The following KDM4C variants were observed in gnomAD, a reference collection of about 807,000 sequenced individuals.
The protein encoded by KDM4C is lysine demethylase 4C.
Under a neutral mutation model 129.3 loss-of-function variants are expected in KDM4C, and 81 were observed. That is an observed-to-expected ratio of 0.63 (90% CI 0.52 to 0.75). The LOEUF (loss-of-function observed/expected upper bound fraction) is 0.75. Ranked by LOEUF, KDM4C falls within the 30% of genes least tolerant of loss-of-function variation. The pLI is 0.00. For missense variants in KDM4C, 1,457 were observed against 1,304.0 expected (o/e 1.12, Z -1.81); for synonymous variants, 573 against 456.1 (o/e 1.26, Z -3.26).
intron 8 of KDM4C, among the ~76,000 whole-genome samples, chr9:6,919,885 T>C (rs1173372467): frequency 6.6e-6 from 1 of 152,184 alleles, no homozygotes; most frequent in African/African-American, 2.4e-5. Context: ...ATATTTATTT[T>C]TCTATTCTCT....
At chr9:6,983,130 C>G (rs1263253635) in intron 9 of KDM4C, among the ~76,000 whole-genome samples, 1 of 152,166 alleles carries the variant, frequency 6.6e-6, no homozygotes, top group Non-Finnish European at 1.5e-5. Flanking sequence ...CATACTACTG[C>G]AGTTACTGCC....
chr9:7,085,820 A>G (rs1587543803), intron 17 of KDM4C, among the ~76,000 whole-genome samples: 1 of 152,012 alleles, frequency 6.6e-6, no homozygotes, highest in East Asian at 1.9e-4. Flanking sequence ...AGGAACTTAG[A>G]TATTTTTTCC....
intron 8 of KDM4C, among the ~76,000 whole-genome samples, chr9:6,901,875 C>T (rs921533011): frequency 2.6e-5 from 4 of 152,218 alleles, no homozygotes; most frequent in Middle Eastern, 3.4e-3. Context: ...TGTATAGTGG[C>T]GCTTACAGAC....
At chr9:6,858,359 GACC>G (rs1442963930) in intron 5 of KDM4C, among the ~76,000 whole-genome samples, 2 of 150,982 alleles carry the variant, frequency 1.3e-5, no homozygotes, top group African/African-American at 4.9e-5. Flanking sequence ...CCACCACCAC[GACC>G]ACCACCACCT....
At position 7,103,752 on chromosome 9, in the gene KDM4C, G is replaced by A. The variant is rs776663828; in HGVS notation, c.2492G>A (p.Arg831His). The A allele has an allele frequency of 6.8e-6, 11 of 1,613,808 alleles. No individual in the cohort carries two copies. The highest frequency in any genetic ancestry group is 4.5e-5 in the East Asian group (2 of 44,870). ...SGACIQCSYG[R>H]CPASFHVTCA... ...GCCTGCATCCAGTGTTCCTACGGTCGCTGCCCGGCCTCCTTCCATGTCACT... is the reference window on the plus strand; with the variant it reads ...GCCTGCATCCAGTGTTCCTACGGTCACTGCCCGGCCTCCTTCCATGTCACT... The change falls in exon 18 of 22, where the codon CGC becomes CAC. Residue 831 changes from arginine (R) to histidine (H), a missense_variant. Physicochemically the swap from Arg to His is conservative, Grantham distance 29. Coordinates refer to ENST00000381309, the MANE Select transcript of KDM4C (RefSeq NM_015061.6).
intron 17 of KDM4C, among the ~76,000 whole-genome samples, chr9:7,058,207 T>C (rs1198835024): frequency 6.6e-6 from 1 of 152,162 alleles, no homozygotes; most frequent in East Asian, 1.9e-4. Flanking sequence ...CATTTTGCCT[T>C]TGGGGGATAA....
chr9:6,808,556 C>T (rs1431591710), intron 3 of KDM4C, among the ~76,000 whole-genome samples: 1 of 148,194 alleles, frequency 6.7e-6, no homozygotes, highest in Non-Finnish European at 1.5e-5. Context: ...ACAAACACTG[C>T]GGAAGGCCTC....
At chr9:6,999,243 C>G (rs1160506774) in intron 12 of KDM4C, among the ~76,000 whole-genome samples, 1 of 152,100 alleles carries the variant, frequency 6.6e-6, no homozygotes, top group Non-Finnish European at 1.5e-5. Flanking sequence ...GTAGATTTGC[C>G]AGTCTTAATT....
rs1009332397 is a variant in KDM4C, at chr9:7,028,502, A to T, written c.2259+12573A>T. Among the ~76,000 whole-genome samples the T allele has an allele frequency of 4.0e-5, 6 of 151,230 alleles. 1 individual carries two copies. The highest frequency in any genetic ancestry group is 5.9e-5 in the Non-Finnish European group (4 of 67,874). The stretch of plus-strand genomic sequence containing the variant: ...TTTTACTCTCTCTTCTCCTCTCCTC[A>T]AGCAGAAGGAAGGGATCTCTTTAAT... On this transcript the variant is annotated intron_variant, in intron 15 of 21. Transcript: ENST00000381309.
chr9:6,955,251 G>C (rs542677354), intron 8 of KDM4C, among the ~76,000 whole-genome samples: 1 of 152,328 alleles, frequency 6.6e-6, no homozygotes, highest in South Asian at 2.1e-4. Context: ...TTTGGTCAGT[G>C]ATAGGAGAAA....
intron 8 of KDM4C, among the ~76,000 whole-genome samples, chr9:6,949,334 G>A (rs7862584): frequency 5.3e-5 from 8 of 151,852 alleles, no homozygotes; most frequent in African/African-American, 1.5e-4. Flanking sequence ...ACGGGATGGC[G>A]GCCGGGAAGA....
intron 19 of KDM4C, among the ~76,000 whole-genome samples, chr9:7,132,352 T>C (rs1170455294): frequency 1.3e-5 from 2 of 152,186 alleles, no homozygotes; most frequent in Non-Finnish European, 2.9e-5. Context: ...TAAAAATGCT[T>C]ACGTTAGCGT....
chr9:6,742,100 G>C (rs570231405), intron 1 of KDM4C, among the ~76,000 whole-genome samples: 1 of 151,412 alleles, frequency 6.6e-6, no homozygotes, highest in East Asian at 1.9e-4. Flanking sequence ...AGCCTCCCTA[G>C]TAGCTGGGAC....
intron 8 of KDM4C, among the ~76,000 whole-genome samples, chr9:6,895,287 CT>C (rs1269857825): frequency 6.6e-6 from 1 of 152,204 alleles, no homozygotes; most frequent in Admixed American, 6.5e-5. Context: ...GCATTTCTTA[CT>C]GAGACTCTGG....
intron 5 of KDM4C, among the ~76,000 whole-genome samples, chr9:6,851,869 T>C (rs1838906637): frequency 6.6e-6 from 1 of 152,208 alleles, no homozygotes; most frequent in East Asian, 1.9e-4. Context: ...AGAATAATTA[T>C]GCCCATTTTC....
intron 5 of KDM4C, among the ~76,000 whole-genome samples, chr9:6,852,390 A>C (rs1252725836): frequency 6.6e-6 from 1 of 151,824 alleles, no homozygotes; most frequent in Non-Finnish European, 1.5e-5. Flanking sequence ...GCTTGTCTGG[A>C]CTCCAGTTCC....
intron 8 of KDM4C, among the ~76,000 whole-genome samples, chr9:6,912,873 G>A (rs909789914): frequency 1.3e-5 from 2 of 152,076 alleles, no homozygotes; most frequent in East Asian, 3.8e-4. Context: ...ATAAGGAAAA[G>A]AATATTTTTT....
At chr9:6,959,176 G>T (rs1440879208) in intron 8 of KDM4C, among the ~76,000 whole-genome samples, 1 of 152,146 alleles carries the variant, frequency 6.6e-6, no homozygotes, top group African/African-American at 2.4e-5. Context: ...AAAGAAGTAG[G>T]TGAGAAGAGG....
At chr9:6,735,960 C>G (rs557103027) in intron 1 of KDM4C, among the ~76,000 whole-genome samples, 1 of 152,122 alleles carries the variant, frequency 6.6e-6, no homozygotes, top group Non-Finnish European at 1.5e-5. Flanking sequence ...ACAATAAAGT[C>G]CAGGCTGAGG....
Sources: allele counts gnomAD v4.1 joint callset (sites outside exome capture counted in the v4.1 genomes callset), GRCh38; gene constraint gnomAD v4.1.1; transcripts MANE v1.5; gene names NCBI Gene and HGNC (gene_info 2026-07-23, HGNC 2026-07-21).